The following SLC25A21 variants were observed in gnomAD, a reference collection of about 807,000 sequenced individuals.
SLC25A21 encodes mitochondrial 2-oxodicarboxylate carrier.
SLC25A21 carries 47 observed loss-of-function variants against 43.8 expected under a neutral mutation model. The ratio of observed to expected loss-of-function variants is 1.07; its 90% confidence interval spans 0.85 to 1.37. The LOEUF (loss-of-function observed/expected upper bound fraction) is 1.37, where lower values mean the gene tolerates loss of function less well. SLC25A21 is among the 40% of genes most tolerant of loss of function. SLC25A21 has a pLI of 0.00. For synonymous variants in SLC25A21, 131 were observed against 121.3 expected, an observed-to-expected ratio of 1.08 and a Z score of -0.52; for missense variants, 352 against 350.2, an observed-to-expected ratio of 1.00 and a Z score of -0.04.
intron 6 of SLC25A21, among the ~76,000 whole-genome samples, chr14:36,722,929 A>G (rs1216337658): frequency 1.3e-5 from 2 of 151,952 alleles, no homozygotes; most frequent in East Asian, 3.9e-4. Flanking sequence ...CTTCCTCTAC[A>G]TCTCCCTTTT....
intron 1 of SLC25A21, among the ~76,000 whole-genome samples, chr14:36,974,395 T>G (rs1959821611): frequency 1.3e-5 from 2 of 152,224 alleles, no homozygotes. Context: ...TACCTTCCTT[T>G]TGGCAAGTCT....
At position 36,813,923 on chromosome 14, in the gene SLC25A21, C is replaced by T. The variant is rs1418674695; in HGVS notation, c.198G>A (p.Met66Ile). 3 of 1,597,678 alleles carry T rather than the reference C, an allele frequency of 1.9e-6. No homozygotes were observed. The highest frequency in any genetic ancestry group is 2.6e-6 in the Non-Finnish European group (3 of 1,169,442). The change falls in exon 3 of 10, where the codon ATG becomes ATA. Residue 66 changes from methionine (M) to isoleucine (I), a missense_variant. Physicochemically the swap from Met to Ile is conservative, Grantham distance 10. Coordinates refer to ENST00000331299, the MANE Select transcript of SLC25A21 (RefSeq NM_030631.4). ...LVDSFRMIFQ[M>I]EGLFGFYKGI... ...TATATGAAGAATATACATACCCTTCCATTTGGAAAATCATTCGAAAGCTGT... is the reference window on the plus strand; with the variant it reads ...TATATGAAGAATATACATACCCTTCTATTTGGAAAATCATTCGAAAGCTGT...
At chr14:36,866,299 G>C (rs1474815419) in intron 2 of SLC25A21, among the ~76,000 whole-genome samples, 2 of 152,158 alleles carry the variant, frequency 1.3e-5, no homozygotes, top group Admixed American at 1.3e-4. Flanking sequence ...ATCAGTCCTT[G>C]TAGGATTGGC....
chr14:36,768,610 T>C (rs1192306546), intron 3 of SLC25A21, among the ~76,000 whole-genome samples: 1 of 152,136 alleles, frequency 6.6e-6, no homozygotes, highest in Non-Finnish European at 1.5e-5. Flanking sequence ...GAAAGTTGCT[T>C]TCAGACAGAC....
intron 1 of SLC25A21, among the ~76,000 whole-genome samples, chr14:37,098,945 G>A (rs1962762942): frequency 6.6e-6 from 1 of 151,920 alleles, no homozygotes; most frequent in Admixed American, 6.6e-5. Flanking sequence ...TGGGATTACA[G>A]GCATGCACAA....
intron 1 of SLC25A21, among the ~76,000 whole-genome samples, chr14:37,065,320 C>T (rs1421009090): frequency 6.6e-6 from 1 of 152,168 alleles, no homozygotes; most frequent in Non-Finnish European, 1.5e-5. Context: ...ACAAAAGCAT[C>T]TTCTTAAAAT....
At chr14:36,693,246 A>G (rs1882869395) in intron 7 of SLC25A21, among the ~76,000 whole-genome samples, 1 of 152,242 alleles carries the variant, frequency 6.6e-6, no homozygotes, top group Non-Finnish European at 1.5e-5. Flanking sequence ...ACTGAATGAA[A>G]GATGGATGAG....
At chr14:36,900,843 T>A (rs1423547204) in intron 1 of SLC25A21, among the ~76,000 whole-genome samples, 1 of 152,176 alleles carries the variant, frequency 6.6e-6, no homozygotes, top group Admixed American at 6.5e-5. Flanking sequence ...TGGGAGCCAT[T>A]GCAATAGGGC....
chr14:36,712,834 A>C (rs1460300555), intron 6 of SLC25A21, among the ~76,000 whole-genome samples: 1 of 152,350 alleles, frequency 6.6e-6, no homozygotes, highest in Non-Finnish European at 1.5e-5. Context: ...GTTTGACAAC[A>C]TGAGATTTTT....
intron 6 of SLC25A21, among the ~76,000 whole-genome samples, chr14:36,718,865 T>C (rs1884259970): frequency 6.6e-6 from 1 of 152,220 alleles, no homozygotes; most frequent in Non-Finnish European, 1.5e-5. Flanking sequence ...ATTATTTCTT[T>C]TTTGGGCTGA....
intron 1 of SLC25A21, among the ~76,000 whole-genome samples, chr14:37,130,768 C>T (rs978247494): frequency 5.9e-5 from 9 of 152,156 alleles, no homozygotes; most frequent in African/African-American, 1.9e-4. Flanking sequence ...GTTTATGGAG[C>T]ACATACTCTT....
intron 7 of SLC25A21, among the ~76,000 whole-genome samples, chr14:36,709,006 C>CTTTT (rs58990948): frequency 6.7e-6 from 1 of 149,312 alleles, no homozygotes; most frequent in Non-Finnish European, 1.5e-5. Flanking sequence ...TCTGATTAAT[C>CTTTT]TTTTTTTTTT....
At chr14:37,168,941 G>C (rs963904494) in intron 1 of SLC25A21, among the ~76,000 whole-genome samples, 4 of 152,196 alleles carry the variant, frequency 2.6e-5, no homozygotes, top group African/African-American at 7.2e-5. Context: ...GCAGCCTGGG[G>C]AGGAGCTGCT....
intron 1 of SLC25A21, among the ~76,000 whole-genome samples, chr14:37,008,169 A>G (rs934408344): frequency 6.6e-6 from 1 of 152,088 alleles, no homozygotes; most frequent in African/African-American, 2.4e-5. Flanking sequence ...CCACTGTGCC[A>G]GTGAAAAAAG....
At chr14:36,899,066 A>C (rs1039316065) in intron 1 of SLC25A21, among the ~76,000 whole-genome samples, 2 of 152,150 alleles carry the variant, frequency 1.3e-5, no homozygotes, top group African/African-American at 4.8e-5. Flanking sequence ...TGTACACAAT[A>C]AACACAGACA....
At chr14:36,966,636 T>A (rs1266255409) in intron 1 of SLC25A21, among the ~76,000 whole-genome samples, 3 of 152,246 alleles carry the variant, frequency 2.0e-5, no homozygotes, top group Non-Finnish European at 4.4e-5. Context: ...AGTCTGCTCC[T>A]CTGCGACATT....
chr14:36,958,962 C>T (rs968417616), intron 1 of SLC25A21, among the ~76,000 whole-genome samples: 2 of 152,186 alleles, frequency 1.3e-5, no homozygotes, highest in African/African-American at 2.4e-5. Context: ...ATTGATCTCA[C>T]GAGCTCCTAG....
At chr14:36,922,194 TC>T (rs1371859195) in intron 1 of SLC25A21, among the ~76,000 whole-genome samples, 1 of 151,128 alleles carries the variant, frequency 6.6e-6, no homozygotes, top group Non-Finnish European at 1.5e-5. Context: ...TGATTTGGAA[TC>T]CCACTATAAA....
chr14:36,717,169 T>G (rs1884178360), intron 6 of SLC25A21, among the ~76,000 whole-genome samples: 2 of 152,246 alleles, frequency 1.3e-5, no homozygotes, highest in Admixed American at 6.5e-5. Context: ...AATGAGGTCT[T>G]GAAGCATTTT....
Sources: allele counts gnomAD v4.1 joint callset (sites outside exome capture counted in the v4.1 genomes callset), GRCh38; gene constraint gnomAD v4.1.1; transcripts MANE v1.5; gene names NCBI Gene and HGNC (gene_info 2026-07-23, HGNC 2026-07-21).